The following ZBTB8OS variants were observed in gnomAD, a reference collection of about 807,000 sequenced individuals.
ZBTB8OS encodes tRNA-splicing ligase-activating factor archease.
Under a neutral mutation model 29.3 loss-of-function variants are expected in ZBTB8OS, and 16 were observed. The ratio of observed to expected loss-of-function variants is 0.55; its 90% CI spans 0.37 to 0.83. The LOEUF (loss-of-function observed/expected upper bound fraction) is 0.83. Ranked by LOEUF, ZBTB8OS falls within the 40% of genes least tolerant of loss-of-function variation. The pLI is 0.00. For synonymous variants in ZBTB8OS, 70 were observed against 64.6 expected, an observed-to-expected ratio of 1.08 and a Z score of -0.40; for missense variants, 160 against 196.9, an observed-to-expected ratio of 0.81 and a Z score of 1.12.
At chr1:32,637,166 G>A (rs1364463255) in intron 1 of ZBTB8OS, among the ~76,000 whole-genome samples, 1 of 152,064 alleles carries the variant, frequency 6.6e-6, no homozygotes, top group African/African-American at 2.4e-5. Context: ...TCAGAATGGA[G>A]CTCAGCTCTT....
chr1:32,646,222 G>A (rs1180020221), intron 1 of ZBTB8OS, among the ~76,000 whole-genome samples: 2 of 151,950 alleles, frequency 1.3e-5, no homozygotes, highest in African/African-American at 2.4e-5. Context: ...AAGAGGCTGA[G>A]GTTGGAGGAT....
chr1:32,644,846 T>C (rs2148460673), intron 1 of ZBTB8OS, among the ~76,000 whole-genome samples: 1 of 151,690 alleles, frequency 6.6e-6, no homozygotes, highest in Middle Eastern at 3.4e-3. Flanking sequence ...CACCCAGGTG[T>C]TTAATTTACT....
At chr1:32,625,250 A>G (rs1285392152) in intron 6 of ZBTB8OS, among the ~76,000 whole-genome samples, 1 of 150,834 alleles carries the variant, frequency 6.6e-6, no homozygotes, top group Non-Finnish European at 1.5e-5. Flanking sequence ...AATAATAATA[A>G]AAAAAACTGT....
intron 1 of ZBTB8OS, among the ~76,000 whole-genome samples, chr1:32,636,492 C>T (rs1490870802): frequency 1.3e-5 from 2 of 152,056 alleles, no homozygotes; most frequent in Non-Finnish European, 2.9e-5. Flanking sequence ...AGATAGAGAC[C>T]ATCCTGGCCA....
At chr1:32,637,902 T>C (rs1646105363) in intron 1 of ZBTB8OS, among the ~76,000 whole-genome samples, 1 of 152,096 alleles carries the variant, frequency 6.6e-6, no homozygotes, top group Non-Finnish European at 1.5e-5. Context: ...GGAGTGATCT[T>C]GGCTCACTGC....
chr1:32,642,534 C>T (rs76383413), intron 1 of ZBTB8OS, among the ~76,000 whole-genome samples: 8,932 of 150,588 alleles, frequency 0.059, 417 homozygotes, highest in South Asian at 0.18. Context: ...AGAAATGGCC[C>T]GGCAAAGCTG....
chr1:32,647,966 G>C (rs1488621336), intron 1 of ZBTB8OS, among the ~76,000 whole-genome samples: 1 of 152,024 alleles, frequency 6.6e-6, no homozygotes, highest in Non-Finnish European at 1.5e-5. Context: ...AAAAAGGTTG[G>C]GGACCGCTGG....
At chr1:32,636,676 G>A (rs1645987236) in intron 1 of ZBTB8OS, among the ~76,000 whole-genome samples, 1 of 144,024 alleles carries the variant, frequency 6.9e-6, no homozygotes, top group Non-Finnish European at 1.5e-5. Flanking sequence ...GGCAACAAGA[G>A]CAAAACTCAA....
chr1:32,637,739 T>C (rs1283918241), intron 1 of ZBTB8OS, among the ~76,000 whole-genome samples: 7 of 152,116 alleles, frequency 4.6e-5, no homozygotes, highest in African/African-American at 1.7e-4. Context: ...GTTCTATAGA[T>C]TGGATGGAGT....
In ZBTB8OS at chr1:32,621,759, C is replaced by T. The variant is rs1038674004; in HGVS notation, c.*103G>A. On this transcript the variant is annotated 3_prime_UTR_variant, in exon 7 of 7. Transcript: ENST00000468695. ...AAAATATTTCTGTTCTACAAATTTC[C>T]ATATATCAAAAAAAAGCTGTAGAAT... is the stretch of plus-strand genomic sequence containing the variant. The T allele has an allele frequency of 1.2e-6, 1 of 816,096 alleles. No individual in the cohort carries two copies. The highest frequency in any genetic ancestry group is 2.0e-6 in the Non-Finnish European group (1 of 510,726). 50.6% of individuals were successfully genotyped at this position (816,096 alleles called of 1,614,324 possible).
intron 1 of ZBTB8OS, among the ~76,000 whole-genome samples, chr1:32,643,140 C>T (rs371039460): frequency 1.4e-5 from 2 of 145,558 alleles, no homozygotes; most frequent in Admixed American, 7.0e-5. Flanking sequence ...GCACGATCTC[C>T]GCTCACTGCA....
In ZBTB8OS at chr1:32,650,437, G is replaced by A. The variant is rs368780988; in HGVS notation, c.93C>T (p.Tyr31=). 1 of 1,614,004 alleles carries A rather than the reference G, an allele frequency of 6.2e-7. No individual in the cohort carries two copies. Among genetic ancestry groups the A allele is most frequent in the African/African-American group, 1.3e-5 (1 of 74,902 alleles). ...AGAAGTAAGCCACCTACTCACACTC[G>A]TACTTCCTATTGACTGGCGGATACT... The part of the protein sequence containing the change: ...KAKYPPVNRK[Y]EYLDHTADVQ... The change falls in exon 1 of 7, where the codon TAC becomes TAT. Residue 31 remains tyrosine (Y), a synonymous_variant. Coordinates refer to ENST00000468695, the MANE Select transcript of ZBTB8OS (RefSeq NM_178547.5).
rs1408842836 is a variant in ZBTB8OS, at chr1:32,633,995, G to GT, written c.199dup (p.Thr67AsnfsTer18). 6.3e-7 allele frequency: 1 copy of GT among 1,597,290 alleles called. No homozygotes were observed. The highest frequency in any genetic ancestry group is 8.5e-7 in the Non-Finnish European group (1 of 1,176,244). On this transcript the variant is annotated frameshift_variant, in exon 3 of 7. Coordinates refer to ENST00000468695, the MANE Select transcript of ZBTB8OS (RefSeq NM_178547.5). LOFTEE classifies it high-confidence loss of function. ...TGTTTGGAGGGGCTCCACTGTCCCA[G>GT]TATCTGTCATGTAACCAAACATGGC... is the stretch of plus-strand genomic sequence containing the variant.
intron 1 of ZBTB8OS, among the ~76,000 whole-genome samples, chr1:32,641,489 T>C (rs1287090466): frequency 6.7e-6 from 1 of 149,830 alleles, no homozygotes; most frequent in Non-Finnish European, 1.5e-5. Context: ...GTCAGGCTGG[T>C]CTCGAACTCC....
chr1:32,631,940 T>A, intron 4 of ZBTB8OS, 61 bp from the exon 5 acceptor site: 1 of 851,996 alleles, frequency 1.2e-6, no homozygotes, highest in Non-Finnish European at 1.7e-6. Flanking sequence ...CTACTAAAAA[T>A]CTTTTTGTTC....
At chr1:32,622,173 G>T (rs1206974145) in intron 6 of ZBTB8OS, among the ~76,000 whole-genome samples, 3 of 152,144 alleles carry the variant, frequency 2.0e-5, no homozygotes, top group Non-Finnish European at 2.9e-5. Context: ...CTCTAATCCT[G>T]GCTTTGTTTC....
intron 1 of ZBTB8OS, among the ~76,000 whole-genome samples, chr1:32,644,997 G>T (rs1328569735): frequency 4.7e-5 from 7 of 150,532 alleles, no homozygotes; most frequent in Non-Finnish European, 4.4e-5. Context: ...TGGCCAACAT[G>T]GTGAAACCCC....
chr1:32,625,913 C>T (rs1022910486), intron 6 of ZBTB8OS, among the ~76,000 whole-genome samples: 4 of 151,536 alleles, frequency 2.6e-5, no homozygotes, highest in Non-Finnish European at 4.4e-5. Flanking sequence ...TCTTGTCGCC[C>T]AGGCTGGAGT....
intron 1 of ZBTB8OS, among the ~76,000 whole-genome samples, chr1:32,650,096 T>C (rs1006204443): frequency 6.6e-6 from 1 of 152,128 alleles, no homozygotes; most frequent in Non-Finnish European, 1.5e-5. Flanking sequence ...CACACTCTAA[T>C]CTCACCGTTG....
Sources: gnomAD v4.1 joint callset for allele counts (sites outside exome capture counted in the v4.1 genomes callset) on GRCh38, gnomAD v4.1.1 for gene constraint, MANE v1.5 for transcripts, NCBI Gene and HGNC (gene_info 2026-07-23, HGNC 2026-07-21) for gene names.